The following CLSTN2 variants were observed in gnomAD, a reference collection of about 807,000 sequenced individuals.
CLSTN2 encodes the protein calsyntenin-2.
Under a neutral mutation model 101.2 loss-of-function variants are expected in CLSTN2, and 48 were observed. The observed-to-expected ratio is 0.47, with a 90% CI of 0.38 to 0.60. The LOEUF (loss-of-function observed/expected upper bound fraction) is 0.60, where lower values mean the gene tolerates loss of function less well. Ranked by LOEUF, CLSTN2 falls within the 20% of genes least tolerant of loss-of-function variation. The pLI, the probability that CLSTN2 is intolerant of heterozygous loss-of-function variation, is 0.00. For missense variants in CLSTN2, 1,160 were observed against 1,238.2 expected, an observed-to-expected ratio of 0.94 and a Z score of 0.95; for synonymous variants, 481 against 463.6, an observed-to-expected ratio of 1.04 and a Z score of -0.48.
At chr3:140,328,007 C>T (rs2087347759) in intron 2 of CLSTN2, among the ~76,000 whole-genome samples, 1 of 152,126 alleles carries the variant, frequency 6.6e-6, no homozygotes, top group Non-Finnish European at 1.5e-5. Context: ...TGAGGGCATC[C>T]CAGAAGCCCA....
intron 1 of CLSTN2, among the ~76,000 whole-genome samples, chr3:140,042,986 G>A (rs746408138): frequency 1.3e-5 from 2 of 152,116 alleles, no homozygotes; most frequent in Non-Finnish European, 2.9e-5. Context: ...ATAAACATAC[G>A]AGTGCATGTG....
At chr3:140,292,564 T>C (rs536621034) in intron 2 of CLSTN2, among the ~76,000 whole-genome samples, 1 of 152,304 alleles carries the variant, frequency 6.6e-6, no homozygotes, top group African/African-American at 2.4e-5. Context: ...TAATCTCTAG[T>C]TACCCCAGCA....
At chr3:140,086,434 G>A (rs1053476100) in intron 1 of CLSTN2, among the ~76,000 whole-genome samples, 22 of 152,198 alleles carry the variant, frequency 1.4e-4, no homozygotes, top group African/African-American at 5.1e-4. Flanking sequence ...ATGTCATTGA[G>A]AATATTGATA....
chr3:140,416,257 T>C (rs2088430637), intron 4 of CLSTN2, among the ~76,000 whole-genome samples: 1 of 152,120 alleles, frequency 6.6e-6, no homozygotes, highest in African/African-American at 2.4e-5. Context: ...ACTTTAGTTA[T>C]TAATATAAGA....
chr3:140,492,355 A>C (rs896744343), intron 8 of CLSTN2, among the ~76,000 whole-genome samples: 3 of 152,252 alleles, frequency 2.0e-5, no homozygotes, highest in Admixed American at 2.0e-4. Context: ...AGACATGTAT[A>C]ATCTTTGAGC....
intron 1 of CLSTN2, among the ~76,000 whole-genome samples, chr3:140,045,550 C>T (rs1042750691): frequency 3.9e-5 from 6 of 152,160 alleles, no homozygotes; most frequent in Admixed American, 2.6e-4. Context: ...TATTTCTTGT[C>T]TTCTGCTAGC....
At chr3:140,456,495 A>C (rs2108014161) in intron 6 of CLSTN2, among the ~76,000 whole-genome samples, 1 of 152,352 alleles carries the variant, frequency 6.6e-6, no homozygotes, top group African/African-American at 2.4e-5. Context: ...TGTAACTATA[A>C]AAAATAAGGT....
chr3:140,461,387 TGCAG>T, intron 7 of CLSTN2: 1 of 152,474 alleles, frequency 6.6e-6, no homozygotes, highest in South Asian at 2.1e-4. Flanking sequence ...CCTAAGAATG[TGCAG>T]ACAAATACAA....
chr3:139,982,251 G>A (rs991114526), intron 1 of CLSTN2, among the ~76,000 whole-genome samples: 5 of 151,922 alleles, frequency 3.3e-5, no homozygotes, highest in Admixed American at 6.6e-5. Context: ...ATTACAGTCC[G>A]CCAAATGAAC....
intron 2 of CLSTN2, among the ~76,000 whole-genome samples, chr3:140,396,912 G>GT (rs1166981471): frequency 9.2e-5 from 14 of 152,194 alleles, no homozygotes; most frequent in Admixed American, 3.9e-4. Context: ...CAGTTCTCAT[G>GT]TTTTTTGGTC....
intron 2 of CLSTN2, among the ~76,000 whole-genome samples, chr3:140,288,574 G>A (rs2086919712): frequency 6.6e-6 from 1 of 152,142 alleles, no homozygotes; most frequent in Non-Finnish European, 1.5e-5. Flanking sequence ...CCAAGTCCAA[G>A]ACATCATTTC....
intron 2 of CLSTN2, among the ~76,000 whole-genome samples, chr3:140,177,100 A>G (rs2010337099): frequency 6.6e-6 from 1 of 152,254 alleles, no homozygotes. Flanking sequence ...TTATGTGAAG[A>G]TAAACCCATA....
intron 1 of CLSTN2, among the ~76,000 whole-genome samples, chr3:140,078,444 C>T (rs946522863): frequency 2.0e-5 from 3 of 152,142 alleles, no homozygotes; most frequent in African/African-American, 7.2e-5. Flanking sequence ...GAGACCATTA[C>T]AAAATTAAAG....
intron 1 of CLSTN2, among the ~76,000 whole-genome samples, chr3:140,095,607 C>T (rs946899037): frequency 6.6e-6 from 1 of 152,176 alleles, no homozygotes; most frequent in African/African-American, 2.4e-5. Flanking sequence ...GGCATAACTA[C>T]TATTATTCTA....
intron 16 of CLSTN2, 52 bp from the exon 17 acceptor site, chr3:140,566,001 T>A: frequency 6.2e-7 from 1 of 1,609,004 alleles, no homozygotes; most frequent in South Asian, 1.1e-5. Context: ...AGCTCCAAAA[T>A]GGCCTCTGTT....
chr3:140,494,220 C>T (rs926799071), intron 8 of CLSTN2, among the ~76,000 whole-genome samples: 6 of 152,152 alleles, frequency 3.9e-5, no homozygotes, highest in African/African-American at 7.2e-5. Flanking sequence ...ATATACACCT[C>T]CTTCAAGGGT....
chr3:140,498,321 C>T (rs950509969), intron 8 of CLSTN2, among the ~76,000 whole-genome samples: 4 of 152,182 alleles, frequency 2.6e-5, no homozygotes, highest in Admixed American at 6.5e-5. Context: ...AATTCTGCCA[C>T]TCTTCAGGGA....
At chr3:140,001,744 C>A (rs1024961246) in intron 1 of CLSTN2, among the ~76,000 whole-genome samples, 1 of 151,520 alleles carries the variant, frequency 6.6e-6, no homozygotes, top group East Asian at 1.9e-4. Flanking sequence ...TACCCATTAA[C>A]CATCCGTACC....
chr3:140,403,370 C>T (rs1468180284), intron 2 of CLSTN2, among the ~76,000 whole-genome samples: 2 of 152,128 alleles, frequency 1.3e-5, no homozygotes, highest in Non-Finnish European at 2.9e-5. Context: ...CAGTGCTGCT[C>T]ATACATTAGT....
Sources: gnomAD v4.1 joint callset for allele counts (sites outside exome capture counted in the v4.1 genomes callset) on GRCh38, gnomAD v4.1.1 for gene constraint, MANE v1.5 for transcripts, NCBI Gene and HGNC (gene_info 2026-07-23, HGNC 2026-07-21) for gene names.